The following TLR5 variants were observed in gnomAD, a reference collection of about 807,000 sequenced individuals.
The protein encoded by TLR5 is toll-like receptor 5.
For synonymous variants in TLR5, 373 were observed against 384.4 expected (o/e 0.97, Z 0.35); for missense variants, 944 against 999.8 (o/e 0.94, Z 0.75).
intron 5 of TLR5, chr1:223,128,869 T>C (rs945387926): frequency 6.6e-5 from 10 of 152,212 alleles, no homozygotes; most frequent in African/African-American, 2.4e-4. Context: ...TAGCCTCCGA[T>C]TGGTTGCTTT....
At chr1:223,113,940 T>C (rs968869851) in intron 5 of TLR5, among the ~76,000 whole-genome samples, 9 of 152,214 alleles carry the variant, frequency 5.9e-5, no homozygotes, top group Non-Finnish European at 1.3e-4. Context: ...ATAAATTCAC[T>C]GTTTTTCTCC....
In TLR5 at chr1:223,141,742, C is replaced by T. The variant is rs1462677544; in HGVS notation, c.-533G>A. On this transcript the variant is annotated 5_prime_UTR_variant, in exon 2 of 6. Transcript: ENST00000642603. ...CAGCCGAGATTGTGTCACTGCAGTC[C>T]AGCCTGGGCGGCAGAGTGAGACTGT... is the stretch of plus-strand genomic sequence containing the variant. 1.4e-5 allele frequency: 2 copies of T among 143,852 alleles called. No homozygotes were observed. The highest frequency in any genetic ancestry group is 2.6e-5 in the African/African-American group (1 of 38,618). The allele number at this position is 143,852 out of a possible 1,614,324, so 8.9% of individuals were successfully genotyped here.
At chr1:223,124,893 C>G (rs950347049) in intron 5 of TLR5, among the ~76,000 whole-genome samples, 32 of 152,132 alleles carry the variant, frequency 2.1e-4, no homozygotes, top group African/African-American at 7.7e-4. Flanking sequence ...CCTGAGCCAC[C>G]GCACTCCGCC....
Position 223,142,107 on chromosome 1 carries a change from G to A in TLR5, c.-554-344C>T, listed in dbSNP as rs1045136436. Among the ~76,000 whole-genome samples, 9 of 152,196 alleles carry A rather than the reference G, an allele frequency of 5.9e-5. No individual in the cohort carries two copies. In the East Asian group the frequency reaches 1.6e-3, roughly 26 times the overall value. On this transcript the variant is annotated intron_variant, in intron 1 of 5. Coordinates refer to ENST00000642603, the MANE Select transcript of TLR5 (RefSeq NM_003268.6). ...TCAAGGAGTCCAAGAGATCTTGGAC[G>A]CACTTCTCAGAATTCGGAGGGGCTG...
At chr1:223,140,607 AAG>A (rs1367849112) in intron 2 of TLR5, among the ~76,000 whole-genome samples, 1 of 151,058 alleles carries the variant, frequency 6.6e-6, no homozygotes, top group African/African-American at 2.4e-5. Flanking sequence ...CTGGGTGAGG[AAG>A]AGAGTGGCAG....
chr1:223,113,078 C>T (rs746479622), intron 5 of TLR5, 43 bp from the exon 6 acceptor site: 88 of 1,592,204 alleles, frequency 5.5e-5, no homozygotes, highest in Non-Finnish European at 7.1e-5. Context: ...CATTTAAGCT[C>T]GAGGTATTGC....
intron 5 of TLR5, among the ~76,000 whole-genome samples, chr1:223,130,725 T>C (rs1657366475): frequency 6.6e-6 from 1 of 152,234 alleles, no homozygotes; most frequent in East Asian, 1.9e-4. Context: ...AAAATCATTT[T>C]GCATCTTTGT....
intron 5 of TLR5, among the ~76,000 whole-genome samples, chr1:223,114,709 C>G (rs1207777137): frequency 6.6e-6 from 1 of 152,180 alleles, no homozygotes; most frequent in African/African-American, 2.4e-5. Context: ...CCTGGATTGA[C>G]TCAAAGTTTC....
In TLR5 at chr1:223,111,746, T is replaced by C. The variant is rs778720602; in HGVS notation, c.1286A>G (p.His429Arg). The C allele has an allele frequency of 3.1e-6, 5 of 1,614,130 alleles. No homozygotes were observed. The highest frequency in any genetic ancestry group is 4.2e-6 in the Non-Finnish European group (5 of 1,180,020). The change falls in exon 6 of 6, where the codon CAC becomes CGC. Residue 429 changes from histidine to arginine, a missense_variant. By Grantham distance (29) the His-to-Arg change is conservative. Transcript: ENST00000642603. ...ATTTTCTAGCCTGTTTTCTGATAAG[T>C]GGATGAGGTTCGCTGTAAGGTTGAT... ...PKINLTANLI[H>R]LSENRLENLD...
chr1:223,142,660 C>G (rs1363195146), intron 1 of TLR5, among the ~76,000 whole-genome samples: 1 of 152,152 alleles, frequency 6.6e-6, no homozygotes, highest in Non-Finnish European at 1.5e-5. Context: ...GCAATATTTA[C>G]CACGGAGTCT....
At position 223,110,628 on chromosome 1, in the gene TLR5, T is replaced by C; in HGVS notation, c.2404A>G (p.Lys802Glu). 9.3e-6 allele frequency: 15 copies of C among 1,614,252 alleles called. No homozygotes were observed. Among genetic ancestry groups the C allele is most frequent in the Non-Finnish European group, 1.3e-5 (15 of 1,180,040 alleles). The change falls in exon 6 of 6, where the codon AAA (lysine) becomes GAA (glutamate). Residue 802 changes from lysine (K) to glutamate (E), a missense_variant. Transcript: ENST00000642603. ...ACAAAGCCTCTGATGGATTGATGTT[T>C]CATCAACTGGTACTGGGACAAGGAC... ...VGSLSQYQLM[K>E]HQSIRGFVQK...
At position 223,111,837 on chromosome 1, in the gene TLR5, TG is replaced by T. The variant is rs757282814; in HGVS notation, c.1194del (p.Ile399PhefsTer12). The T allele has an allele frequency of 3.1e-6, 5 of 1,613,850 alleles. No individual in the cohort carries two copies. The African/African-American group carries it at 6.7e-5, about 22-fold the overall frequency. On this transcript the variant is annotated frameshift_variant, in exon 6 of 6. Coordinates refer to ENST00000642603, the MANE Select transcript of TLR5 (RefSeq NM_003268.6). LOFTEE classifies it low-confidence loss of function (END_TRUNC). ...TCGGGTATGCTTGGAATAAAATGAA[TG>T]GTTGTAAGAGCATTGTCTCGGAGAT... ...TLDLRDNALTTIHFIPSIPDI... is the reference protein window; with the variant it reads ...TLDLRDNALTXIHFIPSIPDI...
chr1:223,123,884 G>A (rs1336010743), intron 5 of TLR5: 1 of 152,242 alleles, frequency 6.6e-6, no homozygotes, highest in African/African-American at 2.4e-5. Flanking sequence ...CAGCGGAGGA[G>A]TGCGCCATCT....
In TLR5 at chr1:223,110,795, T is replaced by A; in HGVS notation, c.2237A>T (p.Asp746Val). Residue 746 changes from aspartate to valine, a missense_variant, in exon 6 of 6, where the codon GAT (aspartate) becomes GTT (valine). Asp to Val is a radical substitution (Grantham distance 152, BLOSUM62 -3). Coordinates refer to ENST00000642603, the MANE Select transcript of TLR5 (RefSeq NM_003268.6). ...PGENRIANIQ[D>V]AIWNSRKIVC... ...GATCTTTCTACTGTTCCAGATGGCA[T>A]CCTGGATATTGGCAATGCGGTTTTC... 1.9e-6 allele frequency: 3 copies of A among 1,614,254 alleles called. No individual in the cohort carries two copies. The highest frequency in any genetic ancestry group is 2.5e-6 in the Non-Finnish European group (3 of 1,180,030).
chr1:223,121,460 C>T (rs1432944443), intron 5 of TLR5, among the ~76,000 whole-genome samples: 1 of 152,212 alleles, frequency 6.6e-6, no homozygotes, highest in East Asian at 1.9e-4. Flanking sequence ...CTTACAGGCA[C>T]TCTGATGACT....
rs201722274 is a variant in TLR5 at position 223,111,187 on chromosome 1, C to T, written c.1845G>A (p.Ser615=). The change falls in exon 6 of 6, where the codon TCG becomes TCA. Residue 615 remains serine (S), a synonymous_variant. Coordinates refer to ENST00000642603, the MANE Select transcript of TLR5 (RefSeq NM_003268.6). The part of the protein sequence containing the change: ...PADIYCVYPD[S]FSGVSLFSLS... ...GAGAGAAGAGGGAAACCCCAGAGAA[C>T]GAGTCAGGGTACACACAATATATGT... The T allele has an allele frequency of 5.6e-5, 91 of 1,614,144 alleles. No homozygotes were observed. In the East Asian group the frequency reaches 1.7e-3, roughly 30 times the overall value.
rs1441245389 is a variant in TLR5 at position 223,110,590 on chromosome 1, C to T, written c.2442G>A (p.Gln814=). 3 of 1,614,188 alleles carry T rather than the reference C, an allele frequency of 1.9e-6. No homozygotes were observed. The highest frequency in any genetic ancestry group is 2.7e-5 in the African/African-American group (2 of 75,050). Residue 814 remains glutamine (Q), a synonymous_variant, in exon 6 of 6, where the codon CAG becomes CAA. Coordinates refer to ENST00000642603, the MANE Select transcript of TLR5 (RefSeq NM_003268.6). ...GGAGATCCTCAGGCCACCTCAAATA[C>T]TGCTGTTTCTGTACAAAGCCTCTGA... The part of the protein sequence containing the change: ...QSIRGFVQKQ[Q]YLRWPEDLQD...
At chr1:223,124,465 AG>A (rs1001668317) in intron 5 of TLR5, among the ~76,000 whole-genome samples, 1 of 151,788 alleles carries the variant, frequency 6.6e-6, no homozygotes, top group Non-Finnish European at 1.5e-5. Context: ...AAAAAGAAAA[AG>A]AAAAAAAAAG....
At position 223,112,211 on chromosome 1, in the gene TLR5, A is replaced by ATG; in HGVS notation, c.819_820dup (p.Ile274ThrfsTer18). On this transcript the variant is annotated frameshift_variant, in exon 6 of 6. Coordinates refer to ENST00000642603, the MANE Select transcript of TLR5 (RefSeq NM_003268.6). LOFTEE classifies it low-confidence loss of function (END_TRUNC). ...AAATGTGTTCTGGTCAGGATCTTTG[A>ATG]TGTTATGGAAGCCAAACCCGGCACC... 1.9e-6 allele frequency: 3 copies of ATG among 1,614,194 alleles called. No individual in the cohort carries two copies. The highest frequency in any genetic ancestry group is 2.5e-6 in the Non-Finnish European group (3 of 1,180,030).
Sources: allele counts gnomAD v4.1 joint callset (sites outside exome capture counted in the v4.1 genomes callset), GRCh38; gene constraint gnomAD v4.1.1; transcripts MANE v1.5; gene names NCBI Gene and HGNC (gene_info 2026-07-23, HGNC 2026-07-21).